The following THUMPD2 variants were observed in gnomAD, a reference collection of about 807,000 sequenced individuals.
The protein encoded by THUMPD2 is THUMP domain 2 tRNA and snRNA guanosine methyltransferase, also known as U6 snRNA (guanine-N(2))-methyltransferase THUMPD2.
A neutral mutation model predicts 49.4 loss-of-function variants in THUMPD2; 56 were observed. That is an observed-to-expected ratio of 1.13 (90% confidence interval 0.91 to 1.41). THUMPD2 has a LOEUF of 1.41. Ranked by LOEUF, THUMPD2 falls within the 40% of genes most tolerant of loss-of-function variation. THUMPD2 has a pLI of 0.00. For synonymous variants in THUMPD2, 237 were observed against 205.2 expected, an observed-to-expected ratio of 1.15 and a Z score of -1.32; for missense variants, 709 against 594.5, an observed-to-expected ratio of 1.19 and a Z score of -2.00.
intron 6 of THUMPD2, among the ~76,000 whole-genome samples, chr2:39,760,005 T>C (rs548570867): frequency 1.3e-5 from 2 of 152,288 alleles, no homozygotes; most frequent in South Asian, 2.1e-4. Context: ...AACCTTGTAA[T>C]GTATCTTAGT....
chr2:39,778,330 A>C (rs142803007), intron 1 of THUMPD2, among the ~76,000 whole-genome samples: 1 of 152,364 alleles, frequency 6.6e-6, no homozygotes, highest in Non-Finnish European at 1.5e-5. Context: ...AACAAAACTG[A>C]CATAATTCTT....
chr2:39,756,672 T>C (rs1424480357), intron 6 of THUMPD2, among the ~76,000 whole-genome samples: 2 of 152,046 alleles, frequency 1.3e-5, no homozygotes, highest in Admixed American at 6.6e-5. Context: ...ACAAGATTCC[T>C]GAATACAAAT....
chr2:39,756,172 G>A (rs549295275), intron 6 of THUMPD2, among the ~76,000 whole-genome samples: 2 of 152,222 alleles, frequency 1.3e-5, no homozygotes, highest in Admixed American at 6.5e-5. Context: ...GGATGACCCA[G>A]TAGAAGGAAA....
At chr2:39,778,567 C>T (rs573987650) in intron 1 of THUMPD2, among the ~76,000 whole-genome samples, 1 of 152,332 alleles carries the variant, frequency 6.6e-6, no homozygotes, top group African/African-American at 2.4e-5. Flanking sequence ...ATGCTTAAAA[C>T]CTTGTTCATT....
rs1421227330 is a variant in THUMPD2, at chr2:39,736,863, T to C, written c.1384A>G (p.Asn462Asp). The C allele has an allele frequency of 1.2e-6, 2 of 1,614,100 alleles. No individual in the cohort carries two copies. The highest frequency in any genetic ancestry group is 2.7e-5 in the African/African-American group (2 of 74,936). ...KTASTSFEAS[N>D]HKFLDRMSPF... ...GACATTCTGTCTAAGAATTTGTGGT[T>C]ACTGGCTTCGAATGAAGTTGACGCT... The change falls in exon 10 of 10, where the codon AAC becomes GAC. Residue 462 changes from asparagine to aspartate, a missense_variant. Coordinates refer to ENST00000505747, the MANE Select transcript of THUMPD2 (RefSeq NM_025264.5).
intron 8 of THUMPD2, among the ~76,000 whole-genome samples, chr2:39,749,554 A>T (rs1189522761): frequency 1.3e-5 from 2 of 152,192 alleles, no homozygotes; most frequent in Non-Finnish European, 2.9e-5. Flanking sequence ...CATGTGATAA[A>T]TTGTTGGCTT....
rs1197050644 is a variant in THUMPD2, at chr2:39,755,355, C to T, written c.1018G>A (p.Asp340Asn). The T allele has an allele frequency of 4.5e-6, 7 of 1,555,708 alleles. No homozygotes were observed. The highest frequency in any genetic ancestry group is 1.2e-5 in the South Asian group (1 of 81,514). Reference protein sequence around the residue: ...VSDSQLLGTWDNLKAAGLEDK... With the variant: ...VSDSQLLGTWNNLKAAGLEDK... Reference sequence around the variant, plus strand: ...TCAAGGCCTGCAGCTTTCAGATTGTCCCAAGTACCTAGTAACTGTGAGTCG... The same window carrying T: ...TCAAGGCCTGCAGCTTTCAGATTGTTCCAAGTACCTAGTAACTGTGAGTCG... The change falls in exon 8 of 10, where the codon GAC becomes AAC. Residue 340 changes from aspartate to asparagine, a missense_variant. Transcript: ENST00000505747.
At chr2:39,753,124 C>T (rs991725530) in intron 8 of THUMPD2, among the ~76,000 whole-genome samples, 1 of 152,138 alleles carries the variant, frequency 6.6e-6, no homozygotes, top group Non-Finnish European at 1.5e-5. Flanking sequence ...CTGCTTGATC[C>T]CCAATATCCT....
At chr2:39,760,619 T>C (rs1460859690) in intron 6 of THUMPD2, among the ~76,000 whole-genome samples, 2 of 152,080 alleles carry the variant, frequency 1.3e-5, no homozygotes, top group Non-Finnish European at 2.9e-5. Flanking sequence ...AAAATAGCTA[T>C]GTGTTTGTAA....
intron 3 of THUMPD2, chr2:39,768,738 T>C: frequency 1.4e-6 from 1 of 710,574 alleles, no homozygotes; most frequent in East Asian, 3.0e-5. Context: ...TCATGCATAA[T>C]CTCTATCCTT....
At chr2:39,768,801 T>G (rs1312351226) in intron 3 of THUMPD2, 1 of 901,676 alleles carries the variant, frequency 1.1e-6, no homozygotes, top group Non-Finnish European at 1.5e-6. Flanking sequence ...ATATGATCAT[T>G]CTGGGTTTCA....
intron 3 of THUMPD2, 25 bp downstream of exon 3, chr2:39,769,685 A>C: frequency 6.8e-7 from 1 of 1,478,430 alleles, no homozygotes; most frequent in African/African-American, 1.5e-5. Context: ...TGGGCGACAG[A>C]CTCCACTTTA....
At position 39,779,249 on chromosome 2, in the gene THUMPD2, G is replaced by A. The variant is rs1016928706; in HGVS notation, c.-10C>T. ...CACGCGCCTCCGACATGGCGGCTCA[G>A]GCGCGCCCTCGCGCCTTCGGGTCAC... On this transcript the variant is annotated 5_prime_UTR_variant, in exon 1 of 10. Coordinates refer to ENST00000505747, the MANE Select transcript of THUMPD2 (RefSeq NM_025264.5). The A allele has an allele frequency of 2.0e-6, 3 of 1,483,192 alleles. No individual in the cohort carries two copies. The African/African-American group carries it at 4.4e-5, about 22-fold the overall frequency. 91.9% of individuals were successfully genotyped at this position (1,483,192 alleles called of 1,614,324 possible). A position where few individuals can be genotyped will look rare whatever the true frequency, so the allele number is the denominator to read the frequency against.
Position 39,736,808 on chromosome 2 carries a change from C to A in THUMPD2, c.1439G>T (p.Cys480Phe). The A allele has an allele frequency of 1.9e-6, 3 of 1,614,220 alleles. No homozygotes were observed. Among genetic ancestry groups the A allele is most frequent in the Non-Finnish European group, 1.7e-6 (2 of 1,180,038 alleles). Residue 480 changes from cysteine (C) to phenylalanine (F), a missense_variant, in exon 10 of 10, where the codon TGC (cysteine) becomes TTC (phenylalanine). Cys to Phe is a radical substitution (Grantham distance 205, BLOSUM62 -2). Coordinates refer to ENST00000505747, the MANE Select transcript of THUMPD2 (RefSeq NM_025264.5). ...SPFGSLVPVE[C>F]YKVSLGKTDA... ...TGTCTTTCCAAGGCTAACTTTGTAG[C>A]ATTCCACTGGTACCAAGGAGCCAAA...
At chr2:39,751,278 A>G (rs1675366323) in intron 8 of THUMPD2, among the ~76,000 whole-genome samples, 1 of 152,368 alleles carries the variant, frequency 6.6e-6, no homozygotes, top group African/African-American at 2.4e-5. Flanking sequence ...ACACCTTATT[A>G]TGCGGTGCTT....
At chr2:39,764,019 G>C (rs1204356017) in intron 5 of THUMPD2, among the ~76,000 whole-genome samples, 2 of 152,152 alleles carry the variant, frequency 1.3e-5, no homozygotes, top group African/African-American at 4.8e-5. Context: ...CCTTTGCACA[G>C]AGATTCCTTG....
intron 8 of THUMPD2, among the ~76,000 whole-genome samples, chr2:39,747,324 T>C (rs1450934762): frequency 6.6e-6 from 1 of 152,220 alleles, no homozygotes; most frequent in African/African-American, 2.4e-5. Flanking sequence ...GAATTTGTTT[T>C]CTTTGATGAT....
intron 8 of THUMPD2, among the ~76,000 whole-genome samples, chr2:39,747,149 A>T (rs1674711603): frequency 1.3e-5 from 2 of 152,190 alleles, no homozygotes; most frequent in South Asian, 2.1e-4. Context: ...GGTTAGGCAT[A>T]ATATTTTTGG....
At position 39,779,119 on chromosome 2, in the gene THUMPD2, T is replaced by C; in HGVS notation, c.121A>G (p.Thr41Ala). The change falls in exon 1 of 10, where the codon ACG becomes GCG. Residue 41 changes from threonine (T) to alanine (A), a missense_variant. Physicochemically the swap from Thr to Ala is moderately conservative, Grantham distance 58. Transcript: ENST00000505747. Reference sequence around the variant, plus strand: ...GCGCAGCGAGGCCAACTCACCTGCGTGGCCGCCAGCCGCGCCCGCACCTCT... The same window carrying C: ...GCGCAGCGAGGCCAACTCACCTGCGCGGCCGCCAGCCGCGCCCGCACCTCT... ...MREVRARLAA[T>A]QVEYISGKVF... 1.3e-6 allele frequency: 2 copies of C among 1,510,020 alleles called. No homozygotes were observed. Among genetic ancestry groups the C allele is most frequent in the Non-Finnish European group, 1.8e-6 (2 of 1,135,788 alleles). The allele number at this position is 1,510,020 out of a possible 1,614,324, so 93.5% of individuals were successfully genotyped here. A position where few individuals can be genotyped will look rare whatever the true frequency, so the allele number is the denominator to read the frequency against.
Sources: gnomAD v4.1 joint callset for allele counts (sites outside exome capture counted in the v4.1 genomes callset) on GRCh38, gnomAD v4.1.1 for gene constraint, MANE v1.5 for transcripts, NCBI Gene and HGNC (gene_info 2026-07-23, HGNC 2026-07-21) for gene names.